PSD3: variants seen among roughly 807,000 people sequenced by gnomAD.
PSD3 encodes the protein PH and SEC7 domain-containing protein 3.
A neutral mutation model predicts 105.5 loss-of-function variants in PSD3; 49 were observed. That is an observed-to-expected ratio of 0.46 (90% CI 0.37 to 0.59). The LOEUF (loss-of-function observed/expected upper bound fraction) is 0.59, where lower values mean the gene tolerates loss of function less well. Ranked by LOEUF, PSD3 falls within the 20% of genes least tolerant of loss-of-function variation. PSD3 has a pLI of 0.00. For missense variants in PSD3, 1,561 were observed against 1,263.8 expected (o/e 1.24, Z -3.57); for synonymous variants, 557 against 457.8 (o/e 1.22, Z -2.77).
intron 4 of PSD3, chr8:18,808,978 T>C: frequency 7.2e-7 from 1 of 1,379,440 alleles, no homozygotes; most frequent in Non-Finnish European, 9.5e-7. Flanking sequence ...GTTTCTGCAG[T>C]TCTAATAAAA....
upstream of PSD3, among the ~76,000 whole-genome samples, chr8:19,016,986 A>G (rs971798272): frequency 6.6e-6 from 1 of 151,796 alleles, no homozygotes; most frequent in Non-Finnish European, 1.5e-5. Flanking sequence ...AAATTTCAAC[A>G]TGAATGTTGG....
intron 9 of PSD3, among the ~76,000 whole-genome samples, chr8:18,727,433 C>T (rs994329401): frequency 2.0e-5 from 3 of 151,562 alleles, no homozygotes; most frequent in African/African-American, 7.3e-5. Context: ...CTCCTTGAGC[C>T]TGGGAGGTGG....
chr8:18,964,753 G>T, intron 1 of PSD3, among the ~76,000 whole-genome samples: 1 of 152,104 alleles, frequency 6.6e-6, no homozygotes, highest in African/African-American at 2.4e-5. Flanking sequence ...AAAGCCAGTG[G>T]CCTCCTTTTT....
At chr8:18,830,951 G>A (rs1369478053) in intron 4 of PSD3, among the ~76,000 whole-genome samples, 1 of 152,206 alleles carries the variant, frequency 6.6e-6, no homozygotes, top group Non-Finnish European at 1.5e-5. Context: ...CATTCTAGGA[G>A]GCAACATTGT....
chr8:18,608,167 C>T (rs1414885829), intron 11 of PSD3, among the ~76,000 whole-genome samples: 1 of 152,120 alleles, frequency 6.6e-6, no homozygotes, highest in Non-Finnish European at 1.5e-5. Context: ...CTGCAGTGAG[C>T]CATGATCGTG....
rs1490833706 is a variant in PSD3, at chr8:18,992,180, T to A, written c.21+21383A>T. Among the ~76,000 whole-genome samples, 3 of 152,134 alleles carry A rather than the reference T, an allele frequency of 2.0e-5. 1 individual carries two copies. The East Asian group carries it at 5.8e-4, about 29-fold the overall frequency. ...AATTCAGTTATATAACTAATAAGGATCAGACCTCAAACTGCAGTTAATCCC... is the reference window on the plus strand; with the variant it reads ...AATTCAGTTATATAACTAATAAGGAACAGACCTCAAACTGCAGTTAATCCC... On this transcript the variant is annotated intron_variant, in intron 1 of 15. Transcript: ENST00000327040.
intron 4 of PSD3, among the ~76,000 whole-genome samples, chr8:18,840,499 G>C (rs1227321937): frequency 6.6e-6 from 1 of 152,236 alleles, no homozygotes; most frequent in Non-Finnish European, 1.5e-5. Context: ...ACGATAGTTA[G>C]TGTGTACTAA....
intron 4 of PSD3, 126 bp downstream of exon 4, chr8:18,867,548 A>T: frequency 8.1e-7 from 1 of 1,227,602 alleles, no homozygotes; most frequent in Non-Finnish European, 1.1e-6. Context: ...CTTTTTACTC[A>T]CATCATTTGC....
intron 3 of PSD3, among the ~76,000 whole-genome samples, chr8:18,870,692 A>C (rs1817275383): frequency 6.6e-6 from 1 of 152,160 alleles, no homozygotes; most frequent in Non-Finnish European, 1.5e-5. Context: ...ACAAAAAAAA[A>C]AAAGGCCATA....
chr8:18,858,549 C>T (rs1165348290), intron 4 of PSD3, among the ~76,000 whole-genome samples: 1 of 152,070 alleles, frequency 6.6e-6, no homozygotes, highest in East Asian at 1.9e-4. Context: ...TTTTACCCAC[C>T]ACAAAACTTT....
At chr8:18,701,306 A>G (rs1301659520) in intron 9 of PSD3, among the ~76,000 whole-genome samples, 2 of 152,090 alleles carry the variant, frequency 1.3e-5, no homozygotes, top group Non-Finnish European at 2.9e-5. Flanking sequence ...TGTAAGTAAA[A>G]TAGTTTTTTT....
intron 9 of PSD3, among the ~76,000 whole-genome samples, chr8:18,674,314 T>C (rs1191395183): frequency 2.0e-5 from 3 of 152,226 alleles, no homozygotes; most frequent in African/African-American, 7.2e-5. Context: ...CCCTGCGTTC[T>C]GTGGGGACAG....
chr8:18,671,689 G>C (rs561025432), intron 9 of PSD3, among the ~76,000 whole-genome samples: 1 of 151,740 alleles, frequency 6.6e-6, no homozygotes, highest in East Asian at 1.9e-4. Flanking sequence ...CTGGAGGGCA[G>C]TGCGCGATCT....
chr8:18,751,050 C>G (rs1463089973), intron 9 of PSD3, among the ~76,000 whole-genome samples: 1 of 152,150 alleles, frequency 6.6e-6, no homozygotes, highest in Admixed American at 6.5e-5. Flanking sequence ...TCACACTCCT[C>G]AGCCCTTGGG....
At chr8:18,774,767 G>C in intron 8 of PSD3, 1 of 394,724 alleles carries the variant, frequency 2.5e-6, no homozygotes, top group South Asian at 1.9e-5. Flanking sequence ...CAACAGATTT[G>C]GAAATGACTA....
chr8:18,943,286 A>C (rs1316883080), intron 1 of PSD3, among the ~76,000 whole-genome samples: 1 of 152,232 alleles, frequency 6.6e-6, no homozygotes, highest in Admixed American at 6.5e-5. Context: ...CAGTGTAAAA[A>C]GGAAAAAGAA....
chr8:19,052,479 A>C (rs1828564504), intron 1 of PSD3, among the ~76,000 whole-genome samples: 1 of 151,936 alleles, frequency 6.6e-6, no homozygotes, highest in African/African-American at 2.4e-5. Flanking sequence ...TCAAAAAAAA[A>C]AAAAAAGAAA....
intron 2 of PSD3, among the ~76,000 whole-genome samples, chr8:18,894,747 C>G (rs1050817399): frequency 1.1e-4 from 16 of 152,146 alleles, no homozygotes; most frequent in African/African-American, 3.6e-4. Flanking sequence ...AATCGGAACT[C>G]CCACCCTATG....
chr8:18,978,693 G>A (rs1397451703), intron 1 of PSD3, among the ~76,000 whole-genome samples: 1 of 152,186 alleles, frequency 6.6e-6, no homozygotes, highest in Non-Finnish European at 1.5e-5. Context: ...AGGCTCCGCA[G>A]CTCACTGATG....
Sources: gnomAD v4.1 joint callset for allele counts (sites outside exome capture counted in the v4.1 genomes callset) on GRCh38, gnomAD v4.1.1 for gene constraint, MANE v1.5 for transcripts, NCBI Gene and HGNC (gene_info 2026-07-23, HGNC 2026-07-21) for gene names.